Variants in ISM2 observed in about 807,000 individuals in gnomAD.
The protein encoded by ISM2 is isthmin-2.
A neutral mutation model predicts 58.0 loss-of-function variants in ISM2; 50 were observed. The observed-to-expected ratio is 0.86, with a 90% confidence interval of 0.69 to 1.09. The LOEUF (loss-of-function observed/expected upper bound fraction) is 1.09, where lower values mean the gene tolerates loss of function less well. Among genes scored for constraint, ISM2 ranks in the 50% least tolerant of loss-of-function variants. The pLI, the probability that ISM2 is intolerant of heterozygous loss-of-function variation, is 0.00. For missense variants in ISM2, 723 were observed against 745.0 expected (o/e 0.97, Z 0.34); for synonymous variants, 303 against 312.4 (o/e 0.97, Z 0.32).
At chr14:77,485,193 A>T (rs1294921611) in intron 1 of ISM2, among the ~76,000 whole-genome samples, 1 of 152,252 alleles carries the variant, frequency 6.6e-6, no homozygotes. Context: ...AAGGCATGAA[A>T]AGGAGGGTCA....
At chr14:77,488,017 G>A (rs1040264163) in intron 1 of ISM2, among the ~76,000 whole-genome samples, 1 of 152,136 alleles carries the variant, frequency 6.6e-6, no homozygotes, top group Non-Finnish European at 1.5e-5. Context: ...GATCAGGGCC[G>A]GGCACCCAGA....
intron 1 of ISM2, among the ~76,000 whole-genome samples, chr14:77,490,665 G>A (rs1012352690): frequency 1.3e-5 from 2 of 152,310 alleles, no homozygotes; most frequent in East Asian, 3.9e-4. Flanking sequence ...GCTCTGCGGT[G>A]CTGAATGTGC....
At chr14:77,492,886 C>T (rs917211704) in intron 1 of ISM2, among the ~76,000 whole-genome samples, 2 of 151,984 alleles carry the variant, frequency 1.3e-5, no homozygotes, top group African/African-American at 4.8e-5. Context: ...CCCAGCTACT[C>T]AGGAAGGCTG....
intron 1 of ISM2, among the ~76,000 whole-genome samples, chr14:77,497,046 T>C (rs918158560): frequency 6.6e-6 from 1 of 151,724 alleles, no homozygotes; most frequent in Non-Finnish European, 1.5e-5. Flanking sequence ...CCTGCATGCC[T>C]ATATGGACCC....
At chr14:77,480,458 G>T (rs1352650843) in intron 4 of ISM2, among the ~76,000 whole-genome samples, 1 of 151,936 alleles carries the variant, frequency 6.6e-6, no homozygotes, top group Middle Eastern at 3.4e-3. Flanking sequence ...ACTGAGAGCT[G>T]GTTCCACACT....
Position 77,482,647 on chromosome 14 carries a change from C to T in ISM2, c.648G>A (p.Glu216=). 1.9e-6 allele frequency: 3 copies of T among 1,555,788 alleles called. No homozygotes were observed. Among genetic ancestry groups the T allele is most frequent in the Non-Finnish European group, 2.6e-6 (3 of 1,154,220 alleles). The change falls in exon 4 of 7, where the codon GAG becomes GAA. Residue 216 remains glutamate (E), a synonymous_variant. Transcript: ENST00000342219. ...PDNQVTIKVV[E]DPQAEVSIDL... is the part of the protein sequence containing the mutation. The stretch of plus-strand genomic sequence containing the variant: ...CTATCGACACCTCGGCCTGGGGGTC[C>T]TCCACCACCTTGATGGTCACCTGCA...
Position 77,498,759 on chromosome 14 carries a change from A to G in ISM2, c.35T>C (p.Leu12Pro). The G allele has an allele frequency of 6.8e-7, 1 of 1,474,254 alleles. No homozygotes were observed. The allele number at this position is 1,474,254 out of a possible 1,614,324, so 91.3% of individuals were successfully genotyped here. A position where few individuals can be genotyped will look rare whatever the true frequency, so the allele number is the denominator to read the frequency against. The change falls in exon 1 of 7, where the codon CTC (leucine) becomes CCC (proline). Residue 12 changes from leucine (L) to proline (P), a missense_variant. Transcript: ENST00000342219. The stretch of plus-strand genomic sequence containing the variant: ...CAGCGCCGCCAGCAGCAGCACGCAG[A>G]GGAGGAGCCCGGCTCGGTCGCGGAG... ...RALRDRAGLL[L>P]CVLLLAALLE...
At chr14:77,497,045 C>A (rs150660565) in intron 1 of ISM2, among the ~76,000 whole-genome samples, 1 of 151,330 alleles carries the variant, frequency 6.6e-6, no homozygotes. Flanking sequence ...CCCTGCATGC[C>A]TATATGGACC....
intron 3 of ISM2, 76 bp downstream of exon 3, chr14:77,484,247 G>T (rs906657741): frequency 3.2e-6 from 5 of 1,540,152 alleles, no homozygotes; most frequent in Non-Finnish European, 4.4e-6. Context: ...AGGATATAGG[G>T]TATCCTGAGC....
At chr14:77,492,106 C>T (rs762829129) in intron 1 of ISM2, among the ~76,000 whole-genome samples, 1 of 152,034 alleles carries the variant, frequency 6.6e-6, no homozygotes, top group Non-Finnish European at 1.5e-5. Context: ...CCTCAATCCT[C>T]CCACCTTGGC....
Position 77,475,434 on chromosome 14 carries a change from G to T in ISM2, c.*161C>A. 3.1e-6 allele frequency: 2 copies of T among 648,152 alleles called. No homozygotes were observed. The highest frequency in any genetic ancestry group is 5.1e-6 in the Non-Finnish European group (2 of 392,786). The allele number at this position is 648,152 out of a possible 1,614,324, so 40.2% of individuals were successfully genotyped here. On this transcript the variant is annotated 3_prime_UTR_variant, in exon 7 of 7. Transcript: ENST00000342219. This position sits in a 1 kb window ranked among gnomAD's most constrained non-coding sequence, Gnocchi z 4.1. Reference sequence around the variant, plus strand: ...TCTCACTAACCCCACTGAGATATCTGCTTCGGGGTCGCTGGCAGAGGGCAC... The same window carrying T: ...TCTCACTAACCCCACTGAGATATCTTCTTCGGGGTCGCTGGCAGAGGGCAC...
At chr14:77,498,451 C>T (rs969613631) in intron 1 of ISM2, 9 of 1,179,260 alleles carry the variant, frequency 7.6e-6, no homozygotes, top group African/African-American at 6.2e-5. Flanking sequence ...CGCGGTCACG[C>T]GCGAGGAGTG....
chr14:77,477,817 C>G (rs2079107326), intron 6 of ISM2, among the ~76,000 whole-genome samples: 1 of 152,168 alleles, frequency 6.6e-6, no homozygotes, highest in Non-Finnish European at 1.5e-5. Flanking sequence ...GGACGCCTGC[C>G]CCATGCCCAG....
chr14:77,482,071 C>G (rs28574852), intron 4 of ISM2, among the ~76,000 whole-genome samples: 37,314 of 151,266 alleles, frequency 0.25, 4,897 homozygotes, highest in Middle Eastern at 0.47. Context: ...CATGATCATG[C>G]CACTGCACTC....
chr14:77,477,106 GC>G (rs949228162), intron 6 of ISM2, among the ~76,000 whole-genome samples: 7 of 152,176 alleles, frequency 4.6e-5, no homozygotes, highest in African/African-American at 1.7e-4. Context: ...AGAAAGAGGT[GC>G]CCCCCAGACT....
chr14:77,497,262 G>C (rs1049221909), intron 1 of ISM2, among the ~76,000 whole-genome samples: 1 of 151,618 alleles, frequency 6.6e-6, no homozygotes, highest in Non-Finnish European at 1.5e-5. Flanking sequence ...CAGCTACTTG[G>C]GAGGCTGAGG....
Position 77,482,521 on chromosome 14 carries a change from T to C in ISM2, c.774A>G (p.Lys258=). ...CCCCCTTCTCCCCTGGGGCCCTGTC[T>C]TTTTCCTCTCCTTTGTAGTCTCCCC... The part of the protein sequence containing the change: ...FLWGDYKGEE[K]DRAPGEKGEE... Residue 258 remains lysine, a synonymous_variant, in exon 4 of 7, where the codon AAA becomes AAG. Transcript: ENST00000342219. The C allele has an allele frequency of 6.2e-7, 1 of 1,614,166 alleles. No homozygotes were observed. The highest frequency in any genetic ancestry group is 1.1e-5 in the South Asian group (1 of 91,070).
chr14:77,491,169 G>C (rs6574375), intron 1 of ISM2, among the ~76,000 whole-genome samples: 146,051 of 152,278 alleles, frequency 0.96, 70,331 homozygotes, highest in East Asian at 1. Flanking sequence ...AAGTGCTGGG[G>C]GGGCACCCCC....
chr14:77,496,150 G>A (rs2079238344), intron 1 of ISM2, among the ~76,000 whole-genome samples: 1 of 150,382 alleles, frequency 6.6e-6, no homozygotes, highest in Non-Finnish European at 1.5e-5. Context: ...GGAAGGTGGA[G>A]GATGCAGTGA....
Sources: allele counts gnomAD v4.1 joint callset (sites outside exome capture counted in the v4.1 genomes callset), GRCh38; gene constraint gnomAD v4.1.1; non-coding constraint Gnocchi (gnomAD v3.1); transcripts MANE v1.5; gene names NCBI Gene and HGNC (gene_info 2026-07-23, HGNC 2026-07-21).